PRH1: variants seen among roughly 807,000 people sequenced by gnomAD.
The protein encoded by PRH1 is salivary acidic proline-rich phosphoprotein 1/2.
In PRH1, 7 loss-of-function variants were observed where a neutral mutation model predicts 7.9. The observed-to-expected ratio is 0.89, with a 90% CI of 0.50 to 1.67. PRH1 has a LOEUF of 1.67. Ranked by LOEUF, PRH1 falls within the 40% of genes most tolerant of loss-of-function variation. PRH1 has a pLI of 0.00. For missense variants in PRH1, 109 were observed against 223.6 expected, an observed-to-expected ratio of 0.49 and a Z score of 3.27; for synonymous variants, 45 against 80.8, an observed-to-expected ratio of 0.56 and a Z score of 2.38.
rs755402197 is a variant in PRH1 at position 10,938,463 on chromosome 12, T to C, written c.-59+35192A>G. On this transcript the variant is annotated intron_variant, in intron 2 of 3. Transcript: ENST00000539853. ...AACCTTTCAGAGGTCCAAACTGATA[T>C]GAAAAAAGACAGAGAGAAAATGGCA... 7 of 1,614,002 alleles carry C rather than the reference T, an allele frequency of 4.3e-6. No individual in the cohort carries two copies. In the South Asian group the frequency reaches 6.6e-5, roughly 15 times the overall value.
intron 2 of PRH1, among the ~76,000 whole-genome samples, chr12:10,935,772 A>G (rs953962532): frequency 5.9e-5 from 9 of 152,340 alleles, no homozygotes; most frequent in Non-Finnish European, 1.3e-4. Flanking sequence ...AAATCAATAG[A>G]GAGCAATAAA....
At chr12:11,057,181 T>C (rs1278711267) in intron 1 of PRH1, among the ~76,000 whole-genome samples, 1 of 152,060 alleles carries the variant, frequency 6.6e-6, no homozygotes, top group Non-Finnish European at 1.5e-5. Context: ...AATTTTTCAA[T>C]TTTTTGTAGA....
chr12:10,892,237 C>T (rs1429110331), intron 2 of PRH1, among the ~76,000 whole-genome samples: 1 of 152,194 alleles, frequency 6.6e-6, no homozygotes, highest in South Asian at 2.1e-4. Flanking sequence ...AAGTGCAATA[C>T]ATTCATGGAG....
At chr12:10,911,825 C>A (rs952731823) in intron 2 of PRH1, among the ~76,000 whole-genome samples, 2 of 152,074 alleles carry the variant, frequency 1.3e-5, no homozygotes, top group African/African-American at 4.8e-5. Context: ...AATTTAAAAG[C>A]CTCCCATGGC....
chr12:11,090,627 G>A (rs1170662963), intron 1 of PRH1, among the ~76,000 whole-genome samples: 1 of 116,710 alleles, frequency 8.6e-6, no homozygotes, highest in East Asian at 2.1e-4. Flanking sequence ...CCTCAGTACC[G>A]CTTATGGTAG....
At chr12:11,141,510 G>C (rs1338719320) in intron 1 of PRH1, among the ~76,000 whole-genome samples, 1 of 151,916 alleles carries the variant, frequency 6.6e-6, no homozygotes, top group African/African-American at 2.4e-5. Context: ...GAGGATTTTG[G>C]AGTCAGACTG....
At chr12:10,920,311 G>C (rs1950028698) in intron 2 of PRH1, among the ~76,000 whole-genome samples, 1 of 150,418 alleles carries the variant, frequency 6.6e-6, no homozygotes, top group Non-Finnish European at 1.5e-5. Flanking sequence ...TTGTCAATTT[G>C]AAAATAAATT....
rs1197875998 is a variant in PRH1 at position 11,093,482 on chromosome 12, T to C, written n.124-46294A>G. Among the ~76,000 whole-genome samples, 2 of 116,630 alleles carry C rather than the reference T, an allele frequency of 1.7e-5. 1 individual carries two copies. The highest frequency in any genetic ancestry group is 1.7e-4 in the Admixed American group (2 of 11,618). The allele number at this position is 116,630 out of a possible 152,430, so 76.5% of individuals were successfully genotyped here. ...ATGAGTTTCCAAGAGGCTGTGCAGA[T>C]GAAATTAGTCCTATTTTCCCGGGTT... On this transcript the variant is annotated intron_variant and non_coding_transcript_variant, in intron 1 of 4. Coordinates refer to the PRH1 transcript ENST00000541977.
At chr12:10,909,005 C>A in intron 2 of PRH1, 1 of 1,613,664 alleles carries the variant, frequency 6.2e-7, no homozygotes, top group Non-Finnish European at 8.5e-7. Context: ...TTGTAGCAAG[C>A]CAGAGATTGA....
intron 2 of PRH1, among the ~76,000 whole-genome samples, chr12:10,949,546 C>G: frequency 6.6e-6 from 1 of 152,114 alleles, no homozygotes; most frequent in East Asian, 1.9e-4. Context: ...TTTCTTACTA[C>G]CATAATGCAC....
chr12:10,930,176 G>C (rs1377573320), intron 2 of PRH1: 26 of 1,404,984 alleles, frequency 1.9e-5, no homozygotes, highest in Non-Finnish European at 2.4e-5. Context: ...GATGCACAGG[G>C]TGTGATCAGA....
At chr12:10,941,984 T>C (rs1349673507) in intron 2 of PRH1, among the ~76,000 whole-genome samples, 2 of 152,172 alleles carry the variant, frequency 1.3e-5, no homozygotes, top group African/African-American at 4.8e-5. Flanking sequence ...TAGTAATTGT[T>C]ATCTCTCTTC....
chr12:11,028,278 C>T (rs1202007951), intron 1 of PRH1, among the ~76,000 whole-genome samples: 2 of 152,238 alleles, frequency 1.3e-5, no homozygotes, highest in Admixed American at 1.3e-4. Flanking sequence ...TGAGCAGATA[C>T]ATTCTCCCTC....
At chr12:11,144,578 C>G (rs959818277) in intron 1 of PRH1, among the ~76,000 whole-genome samples, 1 of 152,182 alleles carries the variant, frequency 6.6e-6, no homozygotes, top group East Asian at 1.9e-4. Flanking sequence ...TCTGCATGCC[C>G]GATTCACATC....
downstream of PRH1, among the ~76,000 whole-genome samples, chr12:11,120,009 T>G (rs1250486365): frequency 6.6e-6 from 1 of 152,248 alleles, no homozygotes; most frequent in Non-Finnish European, 1.5e-5. Flanking sequence ...TATAGAAAGT[T>G]GTAATATATG....
chr12:10,887,960 A>C (rs1360357863), upstream of PRH1, among the ~76,000 whole-genome samples: 1 of 152,234 alleles, frequency 6.6e-6, no homozygotes, highest in Non-Finnish European at 1.5e-5. Flanking sequence ...CAGGAAATTA[A>C]GTAATTGTGG....
intron 1 of PRH1, among the ~76,000 whole-genome samples, chr12:11,128,487 G>A (rs1030392620): frequency 3.9e-5 from 6 of 152,150 alleles, no homozygotes; most frequent in Admixed American, 6.5e-5. Context: ...GCTCATGGCT[G>A]TAATCCCAGC....
At chr12:11,167,589 C>T (rs995213965) in intron 1 of PRH1, among the ~76,000 whole-genome samples, 16 of 151,932 alleles carry the variant, frequency 1.1e-4, no homozygotes, top group African/African-American at 7.3e-5. Context: ...GGACTACAGG[C>T]GCCTGCCACC....
chr12:11,105,936 CTTTTTTTTTTT>C (rs765916131), intron 1 of PRH1, among the ~76,000 whole-genome samples: 2 of 94,964 alleles, frequency 2.1e-5, no homozygotes, highest in Non-Finnish European at 4.7e-5. Flanking sequence ...ATAACTTATT[CTTTTTTTTTTT>C]TTTTTTTTTT....
Sources: gnomAD v4.1 joint callset for allele counts (sites outside exome capture counted in the v4.1 genomes callset) on GRCh38, gnomAD v4.1.1 for gene constraint, MANE v1.5 for transcripts, NCBI Gene and HGNC (gene_info 2026-07-23, HGNC 2026-07-21) for gene names.